NKD1: variants seen among roughly 807,000 people sequenced by gnomAD.
The protein encoded by NKD1 is NKD inhibitor of Wnt signaling pathway 1.
In NKD1, 21 loss-of-function variants were observed where a neutral mutation model predicts 56.0. The observed-to-expected ratio is 0.38, with a 90% confidence interval of 0.27 to 0.54. NKD1 has a LOEUF of 0.54. Among genes scored for constraint, NKD1 ranks in the 20% least tolerant of loss-of-function variants. The pLI is 0.82. For synonymous variants in NKD1, 263 were observed against 265.7 expected (o/e 0.99, Z 0.10); for missense variants, 578 against 642.7 (o/e 0.90, Z 1.09).
intron 3 of NKD1, among the ~76,000 whole-genome samples, chr16:50,553,142 A>G (rs1162574355): frequency 3.3e-5 from 5 of 152,238 alleles, no homozygotes; most frequent in African/African-American, 9.6e-5. Flanking sequence ...AAGAAAACCA[A>G]TTGGAAACAC....
At chr16:50,625,159 T>C (rs757724625) in intron 5 of NKD1, 35 of 379,270 alleles carry the variant, frequency 9.2e-5, no homozygotes, top group Non-Finnish European at 1.6e-4. Context: ...TTCTAGTTGC[T>C]TCTTGCCCTT....
chr16:50,571,114 C>T, intron 3 of NKD1: 1 of 514,880 alleles, frequency 1.9e-6, no homozygotes, highest in Non-Finnish European at 2.5e-6. Context: ...GGAGGGGCTG[C>T]CCATGGCCTG....
intron 3 of NKD1, among the ~76,000 whole-genome samples, chr16:50,577,555 A>G (rs1961018546): frequency 1.3e-5 from 2 of 152,190 alleles, no homozygotes; most frequent in African/African-American, 4.8e-5. Flanking sequence ...AATTTTAAAT[A>G]TATAATGGAG....
chr16:50,616,484 G>A (rs1023069692), intron 4 of NKD1, among the ~76,000 whole-genome samples: 3 of 152,172 alleles, frequency 2.0e-5, no homozygotes, highest in Non-Finnish European at 2.9e-5. Flanking sequence ...CTCCATCAAG[G>A]CAGAAGGTAT....
At chr16:50,606,978 CACAA>C in intron 3 of NKD1, 1 of 456,876 alleles carries the variant, frequency 2.2e-6, no homozygotes, top group Non-Finnish European at 4.4e-6. Flanking sequence ...GCTCTGTTAA[CACAA>C]ACAGCCAGTT....
In NKD1 at chr16:50,567,080, G is replaced by A. The variant is rs74017715; in HGVS notation, c.192+17525G>A. 5.7e-3 allele frequency among the ~76,000 whole-genome samples: 863 copies of A among 151,908 alleles called. 4 individuals are homozygous for A. The highest frequency in any genetic ancestry group is 0.02 in the African/African-American group (814 of 41,356). ...CCCTATGTGATCTCCCAATTTGAGG[G>A]GTGCATAGAGCTTAGGACCAGGCTT... is the stretch of plus-strand genomic sequence containing the variant. On this transcript the variant is annotated intron_variant, in intron 3 of 9. Coordinates refer to ENST00000268459, the MANE Select transcript of NKD1 (RefSeq NM_033119.5).
chr16:50,551,967 C>T (rs573579450), intron 3 of NKD1: 2 of 152,316 alleles, frequency 1.3e-5, no homozygotes, highest in South Asian at 2.1e-4. Context: ...CTGATTCCCT[C>T]TGGTGCCGAA....
At chr16:50,562,700 TGGGCCG>T (rs1960660592) in intron 3 of NKD1, among the ~76,000 whole-genome samples, 2 of 152,036 alleles carry the variant, frequency 1.3e-5, no homozygotes, top group South Asian at 4.2e-4. Flanking sequence ...AGGCAACAGC[TGGGCCG>T]ACTGGACCCT....
At chr16:50,579,144 A>T (rs1172438256) in intron 3 of NKD1, among the ~76,000 whole-genome samples, 203 of 93,632 alleles carry the variant, frequency 2.2e-3, no homozygotes, top group South Asian at 4.3e-3. Flanking sequence ...GGCTACCCGC[A>T]ACACACGCAC....
intron 4 of NKD1, among the ~76,000 whole-genome samples, chr16:50,621,344 A>T (rs1203960462): frequency 6.6e-6 from 1 of 152,222 alleles, no homozygotes; most frequent in Non-Finnish European, 1.5e-5. Flanking sequence ...TCCATAGGGC[A>T]GAAGTCATAG....
intron 3 of NKD1, among the ~76,000 whole-genome samples, chr16:50,580,043 G>T (rs1002134818): frequency 4.0e-5 from 6 of 151,848 alleles, no homozygotes; most frequent in Non-Finnish European, 5.9e-5. Flanking sequence ...AGCTACACAC[G>T]CACTGTCTTG....
chr16:50,572,735 C>G (rs1960911558), intron 3 of NKD1, among the ~76,000 whole-genome samples: 2 of 152,308 alleles, frequency 1.3e-5, no homozygotes, highest in African/African-American at 4.8e-5. Context: ...TCTTCTTACC[C>G]AGCTTGGGTG....
Position 50,633,497 on chromosome 16 carries a change from G to T in NKD1, c.1129G>T (p.Ala377Ser), listed in dbSNP as rs1962395243. ...GCCCCCTCTGGGACCCGCCATCCCTGCGGTGTCCCCCTCCGCCCACCTGGC... is the reference window on the plus strand; with the variant it reads ...GCCCCCTCTGGGACCCGCCATCCCTTCGGTGTCCCCCTCCGCCCACCTGGC... ...NKPPLGPAIP[A>S]VSPSAHLAAS... The change falls in exon 10 of 10, where the codon GCG (alanine) becomes TCG (serine). Residue 377 changes from alanine to serine, a missense_variant. Physicochemically the swap from Ala to Ser is moderately conservative, Grantham distance 99. Coordinates refer to ENST00000268459, the MANE Select transcript of NKD1 (RefSeq NM_033119.5). This position sits in a 1 kb window ranked among gnomAD's most constrained non-coding sequence, Gnocchi z 4.9. 6.2e-6 allele frequency: 10 copies of T among 1,610,740 alleles called. No homozygotes were observed. The highest frequency in any genetic ancestry group is 8.5e-6 in the Non-Finnish European group (10 of 1,178,782).
rs1962443817 is a variant in NKD1 at position 50,635,327 on chromosome 16, C to T, written c.*1546C>T. On this transcript the variant is annotated 3_prime_UTR_variant, in exon 10 of 10. Coordinates refer to ENST00000268459, the MANE Select transcript of NKD1 (RefSeq NM_033119.5). The surrounding 1 kb of genome is among the most constrained non-coding windows in gnomAD (Gnocchi z 4.1). The stretch of plus-strand genomic sequence containing the variant: ...ACCTGCTTTCCTGCCCCCCAGCCCC[C>T]TCAATCCATTGGCTGAGGCCGCTGG... The T allele has an allele frequency of 6.6e-6, 1 of 152,422 alleles. No individual in the cohort carries two copies. The highest frequency in any genetic ancestry group is 1.5e-5 in the Non-Finnish European group (1 of 68,192). The allele number at this position is 152,422 out of a possible 1,614,324, so 9.4% of individuals were successfully genotyped here. A position where few individuals can be genotyped will look rare whatever the true frequency, so the allele number is the denominator to read the frequency against.
At chr16:50,574,945 C>T (rs867675623) in intron 3 of NKD1, 1 of 975,252 alleles carries the variant, frequency 1.0e-6, no homozygotes. Flanking sequence ...TCCCTTTAAA[C>T]ATCAGAATTG....
rs150321774 is a variant in NKD1 at position 50,634,325 on chromosome 16, C to A, written c.*544C>A. 394 of 152,936 alleles carry A rather than the reference C, an allele frequency of 2.6e-3. No individual in the cohort carries two copies. Among genetic ancestry groups the A allele is most frequent in the Non-Finnish European group, 4.1e-3 (280 of 68,076 alleles). The allele number at this position is 152,936 out of a possible 1,614,324, so 9.5% of individuals were successfully genotyped here. ...TGCTGTTGTGTTTTTATGTCCCAAC[C>A]TAGAAACCTTAGCTGTCTTTTCTGG... On this transcript the variant is annotated 3_prime_UTR_variant, in exon 10 of 10. Transcript: ENST00000268459.
rs186626582 is a variant in NKD1 at position 50,615,540 on chromosome 16, G to A, written c.260-6062G>A. ...AGTGGGAATTGCAGAGCTGGAAAGA[G>A]TGTTCTTGGCAGGGATAACAGCGTG... On this transcript the variant is annotated intron_variant, in intron 4 of 9. Transcript: ENST00000268459. Among the ~76,000 whole-genome samples, 327 of 152,300 alleles carry A rather than the reference G, an allele frequency of 2.1e-3. 1 individual carries two copies. The highest frequency in any genetic ancestry group is 0.01 in the Middle Eastern group (3 of 294).
chr16:50,551,791 G>A (rs1960392040), intron 3 of NKD1: 1 of 152,010 alleles, frequency 6.6e-6, no homozygotes, highest in Admixed American at 6.5e-5. Context: ...TTATTGCTTA[G>A]GATGAAGCTA....
rs570774730 is a variant in NKD1, at chr16:50,575,308, A to C, written c.192+25753A>C. 4.1e-6 allele frequency: 4 copies of C among 985,256 alleles called. No individual in the cohort carries two copies. The East Asian group carries it at 4.5e-4, about 112-fold the overall frequency. 61.0% of individuals were successfully genotyped at this position (985,256 alleles called of 1,614,324 possible). A position where few individuals can be genotyped will look rare whatever the true frequency, so the allele number is the denominator to read the frequency against. On this transcript the variant is annotated intron_variant, in intron 3 of 9. Transcript: ENST00000268459. ...CAGTGCCCAGAGGCTGGCTGGTTTT[A>C]TAGGCGGGTGGTTCACAAGTGTTTG...
Sources: allele counts gnomAD v4.1 joint callset (sites outside exome capture counted in the v4.1 genomes callset), GRCh38; gene constraint gnomAD v4.1.1; non-coding constraint Gnocchi (gnomAD v3.1); transcripts MANE v1.5; gene names NCBI Gene and HGNC (gene_info 2026-07-23, HGNC 2026-07-21).